Variants in FNIP2 observed in about 807,000 individuals in gnomAD.
The protein encoded by FNIP2 is folliculin-interacting protein 2.
A neutral mutation model predicts 108.7 loss-of-function variants in FNIP2; 32 were observed. The ratio of observed to expected loss-of-function variants is 0.29; its 90% CI spans 0.22 to 0.40. The LOEUF (loss-of-function observed/expected upper bound fraction) is 0.40, where lower values mean the gene tolerates loss of function less well. FNIP2 is among the 10% of genes least tolerant of loss of function. The probability of loss-of-function intolerance (pLI) is 1.00; values close to 1 mark genes in which losing one functional copy is unlikely to be tolerated. For missense variants in FNIP2, 1,202 were observed against 1,381.6 expected, an observed-to-expected ratio of 0.87 and a Z score of 2.06; for synonymous variants, 480 against 496.7, an observed-to-expected ratio of 0.97 and a Z score of 0.45.
chr4:158,814,363 A>G (rs1777448959), intron 1 of FNIP2, among the ~76,000 whole-genome samples: 1 of 152,226 alleles, frequency 6.6e-6, no homozygotes, highest in African/African-American at 2.4e-5. Flanking sequence ...ACGTTATATA[A>G]TACAGACTCT....
chr4:158,883,334 T>C lies in FNIP2; in HGVS notation c.2950-8112T>C, dbSNP rs933160430. 1.4e-4 allele frequency among the ~76,000 whole-genome samples: 22 copies of C among 152,218 alleles called. 1 individual carries two copies. The highest frequency in any genetic ancestry group is 7.7e-4 in the East Asian group (4 of 5,182). ...TCGGCTCACTGCAAGCTCCGCCTCC[T>C]GGGTTCACGCCATTCTCCTGCCTCA... On this transcript the variant is annotated intron_variant, in intron 14 of 16. Coordinates refer to ENST00000264433, the MANE Select transcript of FNIP2 (RefSeq NM_020840.3).
chr4:158,877,820 G>T (rs1182973020), intron 14 of FNIP2, among the ~76,000 whole-genome samples: 1 of 152,160 alleles, frequency 6.6e-6, no homozygotes, highest in Non-Finnish European at 1.5e-5. Flanking sequence ...TGTGCCCAGG[G>T]TCCCAGCTAC....
intron 7 of FNIP2, among the ~76,000 whole-genome samples, chr4:158,849,801 TA>T (rs55717420): frequency 0.013 from 1,845 of 141,072 alleles, 5 homozygotes; most frequent in Middle Eastern, 0.033. Flanking sequence ...ACAGTTTGGT[TA>T]AAAAAAAAAA....
intron 7 of FNIP2, among the ~76,000 whole-genome samples, chr4:158,839,078 A>G (rs890774914): frequency 8.5e-5 from 13 of 152,136 alleles, no homozygotes; most frequent in African/African-American, 3.1e-4. Flanking sequence ...TACCTGGCTG[A>G]GGAAGTGTTT....
intron 1 of FNIP2, among the ~76,000 whole-genome samples, chr4:158,783,578 T>C (rs1776120991): frequency 6.6e-6 from 1 of 152,258 alleles, no homozygotes; most frequent in East Asian, 1.9e-4. Flanking sequence ...CAACTCTGCC[T>C]GAAGCACTGA....
intron 3 of FNIP2, among the ~76,000 whole-genome samples, chr4:158,830,771 G>C (rs1394800039): frequency 1.3e-5 from 2 of 152,210 alleles, no homozygotes; most frequent in Admixed American, 6.5e-5. Flanking sequence ...TCGGGGTGCA[G>C]AACCATGGTT....
intron 1 of FNIP2, among the ~76,000 whole-genome samples, chr4:158,806,730 T>C (rs977582674): frequency 1.3e-5 from 2 of 152,212 alleles, no homozygotes; most frequent in African/African-American, 4.8e-5. Context: ...TGGATGAAAC[T>C]GTTCACAGTA....
chr4:158,876,934 T>G (rs1013689784), intron 14 of FNIP2, among the ~76,000 whole-genome samples: 1 of 152,238 alleles, frequency 6.6e-6, no homozygotes, highest in Non-Finnish European at 1.5e-5. Context: ...ATAGGTCTCT[T>G]GGGCTTCATG....
chr4:158,859,684 G>A lies in FNIP2; in HGVS notation c.1148+18G>A, dbSNP rs1780174551. Reference sequence around the variant, plus strand: ...GAATTCAGGTAAAGTGGCAAAGTTTGGCAAATCCAACAGGAGATGTTTATG... The same window carrying A: ...GAATTCAGGTAAAGTGGCAAAGTTTAGCAAATCCAACAGGAGATGTTTATG... On this transcript the variant is annotated intron_variant, in intron 10 of 16. Coordinates refer to ENST00000264433, the MANE Select transcript of FNIP2 (RefSeq NM_020840.3). 1.2e-6 allele frequency: 2 copies of A among 1,600,760 alleles called. No homozygotes were observed. Among genetic ancestry groups the A allele is most frequent in the Non-Finnish European group, 8.5e-7 (1 of 1,169,824 alleles).
intron 9 of FNIP2, 72 bp from the exon 10 acceptor site, chr4:158,859,506 T>A (rs1028352935): frequency 3.8e-6 from 5 of 1,301,930 alleles, no homozygotes; most frequent in East Asian, 2.5e-5. Flanking sequence ...TAATTTTTTT[T>A]ATTAATACAG....
chr4:158,774,329 T>C (rs928531102), intron 1 of FNIP2, among the ~76,000 whole-genome samples: 2 of 152,202 alleles, frequency 1.3e-5, no homozygotes, highest in Non-Finnish European at 2.9e-5. Context: ...TTTGCTCTAA[T>C]GAATTTGTGT....
intron 1 of FNIP2, among the ~76,000 whole-genome samples, chr4:158,785,098 T>TG (rs1479304488): frequency 5.3e-5 from 8 of 149,692 alleles, no homozygotes; most frequent in African/African-American, 2.0e-4. Context: ...TTTTTTTTTT[T>TG]TTTTTTGAGC....
intron 14 of FNIP2, among the ~76,000 whole-genome samples, chr4:158,891,067 A>G (rs1310221233): frequency 3.3e-5 from 5 of 152,182 alleles, no homozygotes; most frequent in African/African-American, 7.2e-5. Flanking sequence ...AGGATAGTAG[A>G]AAGGAGTAAG....
intron 16 of FNIP2, 42 bp from the exon 17 acceptor site, chr4:158,904,422 CAT>C: frequency 6.8e-7 from 1 of 1,463,512 alleles, no homozygotes; most frequent in African/African-American, 1.4e-5. Context: ...CTCATAAAAC[CAT>C]GCTCTTTTAA....
chr4:158,774,377 CTAGATTATTTAACTAT>C (rs879800080), intron 1 of FNIP2, among the ~76,000 whole-genome samples: 56 of 152,142 alleles, frequency 3.7e-4, no homozygotes, highest in Admixed American at 9.8e-4. Flanking sequence ...CCTAAATATT[CTAGATTATTTAACTAT>C]TAGATTATTT....
At chr4:158,895,617 ATTTT>A in intron 15 of FNIP2, 129 bp from the exon 16 acceptor site, 2 of 620,542 alleles carry the variant, frequency 3.2e-6, no homozygotes, top group South Asian at 3.9e-5. Context: ...ATGGCTTGTG[ATTTT>A]TTAAGTGTAT....
rs746716917 is a variant in FNIP2, at chr4:158,833,642, T to A, written c.655+14T>A. 1 of 1,589,886 alleles carries A rather than the reference T, an allele frequency of 6.3e-7. No homozygotes were observed. The highest frequency in any genetic ancestry group is 1.7e-5 in the Admixed American group (1 of 59,986). On this transcript the variant is annotated intron_variant, in intron 6 of 16. Transcript: ENST00000264433. ...GAAGTAACCTAGGTAAAATCAGAGA[T>A]ACAAACAAATTCTTTCTTTCTGAAT...
chr4:158,851,010 C>G (rs530247538), intron 7 of FNIP2, among the ~76,000 whole-genome samples: 1 of 152,198 alleles, frequency 6.6e-6, no homozygotes, highest in East Asian at 1.9e-4. Context: ...ATTATAGTCT[C>G]CCCCTGCTGG....
At chr4:158,796,165 G>A (rs568803172) in intron 1 of FNIP2, 2 of 152,196 alleles carry the variant, frequency 1.3e-5, no homozygotes, top group South Asian at 4.2e-4. Flanking sequence ...TTTCGGAAAG[G>A]GACCATTTGG....
Sources: gnomAD v4.1 joint callset for allele counts (sites outside exome capture counted in the v4.1 genomes callset) on GRCh38, gnomAD v4.1.1 for gene constraint, MANE v1.5 for transcripts, NCBI Gene and HGNC (gene_info 2026-07-23, HGNC 2026-07-21) for gene names.